ICE1: variants seen among roughly 807,000 people sequenced by gnomAD.
The protein encoded by ICE1 is interactor of little elongation complex ELL subunit 1.
A neutral mutation model predicts 192.7 loss-of-function variants in ICE1; 64 were observed. The ratio of observed to expected loss-of-function variants is 0.33; its 90% CI spans 0.27 to 0.41. The LOEUF (loss-of-function observed/expected upper bound fraction) is 0.41. ICE1 is among the 10% of genes least tolerant of loss of function. The pLI, the probability that ICE1 is intolerant of heterozygous loss-of-function variation, is 1.00. For synonymous variants in ICE1, 1,010 were observed against 984.5 expected (o/e 1.03, Z -0.49); for missense variants, 2,708 against 2,696.0 (o/e 1.00, Z -0.10).
intron 10 of ICE1, among the ~76,000 whole-genome samples, chr5:5,453,680 C>A (rs1411156067): frequency 6.6e-6 from 1 of 152,172 alleles, no homozygotes; most frequent in Non-Finnish European, 1.5e-5. Context: ...ATGCACATTT[C>A]ACCACAAGCT....
rs932894200 is a variant in ICE1 at position 5,489,324 on chromosome 5, T to G, written c.6795T>G (p.Leu2265=). 1 of 1,605,896 alleles carries G rather than the reference T, an allele frequency of 6.2e-7. No individual in the cohort carries two copies. The highest frequency in any genetic ancestry group is 1.7e-4 in the Middle Eastern group (1 of 6,032). ...EEVSALSTEE[L]G is the part of the protein sequence containing the mutation. ...TCAGTGCCCTGAGCACAGAGGAGCT[T>G]GGCTGACCTGGGATGCCACTGAGGC... Residue 2265 remains leucine, a synonymous_variant, in exon 19 of 19, where the codon CTT becomes CTG. Transcript: ENST00000296564.
At chr5:5,426,852 G>A (rs1561070150) in intron 1 of ICE1, among the ~76,000 whole-genome samples, 1 of 152,198 alleles carries the variant, frequency 6.6e-6, no homozygotes, top group African/African-American at 2.4e-5. Flanking sequence ...TTAAACTTTC[G>A]TGTGAGAGAG....
At chr5:5,483,448 C>T (rs1739560217) in intron 17 of ICE1, among the ~76,000 whole-genome samples, 2 of 152,148 alleles carry the variant, frequency 1.3e-5, no homozygotes, top group African/African-American at 4.8e-5. Flanking sequence ...GATTAGTACA[C>T]GGGGTTTACT....
At chr5:5,424,632 A>G (rs931088000) in intron 1 of ICE1, among the ~76,000 whole-genome samples, 2 of 152,330 alleles carry the variant, frequency 1.3e-5, no homozygotes, top group Admixed American at 6.5e-5. Flanking sequence ...TTGTTGATGA[A>G]TTGAACAGAG....
At chr5:5,474,517 A>G (rs970000708) in intron 16 of ICE1, among the ~76,000 whole-genome samples, 3 of 152,244 alleles carry the variant, frequency 2.0e-5, no homozygotes, top group African/African-American at 7.2e-5. Context: ...ATTATAAATT[A>G]GCAGCTTCTG....
At chr5:5,440,866 A>G (rs1208107002) in intron 4 of ICE1, among the ~76,000 whole-genome samples, 1 of 151,876 alleles carries the variant, frequency 6.6e-6, no homozygotes, top group Non-Finnish European at 1.5e-5. Context: ...CAGCCATTAT[A>G]TTCCAGCCCA....
intron 5 of ICE1, among the ~76,000 whole-genome samples, chr5:5,441,866 T>C (rs1028521282): frequency 6.6e-6 from 1 of 152,210 alleles, no homozygotes; most frequent in Admixed American, 6.5e-5. Flanking sequence ...TCTCTTGTGG[T>C]TTCTCATTGT....
intron 7 of ICE1, 138 bp from the exon 8 acceptor site, chr5:5,447,289 G>C (rs984648103): frequency 1.6e-6 from 1 of 626,886 alleles, no homozygotes; most frequent in African/African-American, 1.9e-5. Context: ...AAGGAGCAAT[G>C]GCTTTTTACG....
intron 7 of ICE1, 71 bp from the exon 8 acceptor site, chr5:5,447,356 G>T (rs752171821): frequency 3.3e-6 from 3 of 910,416 alleles, no homozygotes; most frequent in South Asian, 1.8e-5. Context: ...AAGATTTTGA[G>T]TATTTCATTA....
chr5:5,457,724 C>A lies in ICE1; in HGVS notation c.1084C>A (p.Pro362Thr), dbSNP rs1332646724. The change falls in exon 12 of 19, where the codon CCG (proline) becomes ACG (threonine). Residue 362 changes from proline to threonine, a missense_variant. Physicochemically the swap from Pro to Thr is conservative, Grantham distance 38 (BLOSUM62 -1). Transcript: ENST00000296564. The stretch of plus-strand genomic sequence containing the variant: ...GTCATCACCTCACCCGGGTTCCTTA[C>A]CGTCTTCATTTGCACCTGTGAGTTT... ...PMSSPHPGSL[P>T]SSFAPETYFG... 1 of 1,611,798 alleles carries A rather than the reference C, an allele frequency of 6.2e-7. No individual in the cohort carries two copies. Among genetic ancestry groups the A allele is most frequent in the African/African-American group, 1.3e-5 (1 of 74,988 alleles).
Position 5,437,067 on chromosome 5 carries a change from T to C in ICE1, c.144-13T>C. Reference sequence around the variant, plus strand: ...ATTAAAAAGTAACCTAATTTTTCTTTTCTTTTTTGCAGTAATTTGTTAACA... The same window carrying C: ...ATTAAAAAGTAACCTAATTTTTCTTCTCTTTTTTGCAGTAATTTGTTAACA... On this transcript the variant is annotated splice_polypyrimidine_tract_variant and intron_variant, in intron 2 of 18. Transcript: ENST00000296564. 6.9e-7 allele frequency: 1 copy of C among 1,456,042 alleles called. No individual in the cohort carries two copies. The highest frequency in any genetic ancestry group is 9.4e-7 in the Non-Finnish European group (1 of 1,060,050). 90.2% of individuals were successfully genotyped at this position (1,456,042 alleles called of 1,614,324 possible).
intron 10 of ICE1, among the ~76,000 whole-genome samples, chr5:5,452,708 C>T (rs1168530348): frequency 6.6e-6 from 1 of 152,038 alleles, no homozygotes; most frequent in African/African-American, 2.4e-5. Context: ...AATTTTTCAA[C>T]AGGAGAAAAC....
In ICE1 at chr5:5,457,588, TACTGAATTTGTTGATC is replaced by T; in HGVS notation, c.950_965del (p.Thr317MetfsTer86). Reference sequence around the variant, plus strand: ...TACAAAGTCATCGTGACGGTGGTAGTACTGAATTTGTTGATCATGATCATTTTTTTGATGAAGATCT... The same window carrying T: ...TACAAAGTCATCGTGACGGTGGTAGTATGATCATTTTTTTGATGAAGATCT... On this transcript the variant is annotated frameshift_variant, in exon 12 of 19. Coordinates refer to ENST00000296564, the MANE Select transcript of ICE1 (RefSeq NM_015325.3). LOFTEE classifies it high-confidence loss of function. 1 of 1,613,918 alleles carries T rather than the reference TACTGAATTTGTTGATC, an allele frequency of 6.2e-7. No homozygotes were observed. The highest frequency in any genetic ancestry group is 8.5e-7 in the Non-Finnish European group (1 of 1,179,862).
intron 18 of ICE1, among the ~76,000 whole-genome samples, chr5:5,488,167 A>G (rs1014229615): frequency 5.3e-5 from 8 of 150,900 alleles, no homozygotes; most frequent in Non-Finnish European, 1.2e-4. Context: ...TATGGGGGGG[A>G]GTAATATTAA....
intron 5 of ICE1, among the ~76,000 whole-genome samples, chr5:5,442,540 C>G (rs1738081671): frequency 6.6e-6 from 1 of 152,144 alleles, no homozygotes; most frequent in South Asian, 2.1e-4. Context: ...AATGATAACC[C>G]TCATTAGTTG....
At chr5:5,473,779 A>G (rs1242219531) in intron 16 of ICE1, 31 bp downstream of exon 16, 1 of 1,463,762 alleles carries the variant, frequency 6.8e-7, no homozygotes. Context: ...AAATAAAGAT[A>G]TGTTATTGTA....
intron 10 of ICE1, among the ~76,000 whole-genome samples, chr5:5,452,916 A>C (rs1738468103): frequency 1.3e-5 from 2 of 152,160 alleles, no homozygotes. Context: ...TGTGCAATTC[A>C]CTTGAAGGAG....
chr5:5,462,005 A>G lies in ICE1; in HGVS notation c.2671A>G (p.Asn891Asp), dbSNP rs757814820. 3 of 1,613,954 alleles carry G rather than the reference A, an allele frequency of 1.9e-6. No individual in the cohort carries two copies. Among genetic ancestry groups the G allele is most frequent in the South Asian group, 2.2e-5 (2 of 91,086 alleles). ...HRVEPTLVTE[N>D]SGNKTGMSTV... Reference sequence around the variant, plus strand: ...GGTTGAGCCTACCTTAGTAACAGAAAATAGTGGCAACAAAACCGGTATGTC... The same window carrying G: ...GGTTGAGCCTACCTTAGTAACAGAAGATAGTGGCAACAAAACCGGTATGTC... The change falls in exon 13 of 19, where the codon AAT (asparagine) becomes GAT (aspartate). Residue 891 changes from asparagine (N) to aspartate (D), a missense_variant. By Grantham distance (23) the Asn-to-Asp change is conservative. Transcript: ENST00000296564.
intron 7 of ICE1, among the ~76,000 whole-genome samples, chr5:5,446,555 G>T (rs770691291): frequency 1.3e-5 from 2 of 152,070 alleles, no homozygotes; most frequent in Non-Finnish European, 2.9e-5. Context: ...CAAAGTGCTG[G>T]GATCACAGTC....
Sources: gnomAD v4.1 joint callset for allele counts (sites outside exome capture counted in the v4.1 genomes callset) on GRCh38, gnomAD v4.1.1 for gene constraint, MANE v1.5 for transcripts, NCBI Gene and HGNC (gene_info 2026-07-23, HGNC 2026-07-21) for gene names.